Variants in EPHA3 observed in about 807,000 individuals in gnomAD.
EPHA3 encodes EPH receptor A3.
In EPHA3, 42 loss-of-function variants were observed where a neutral mutation model predicts 107.1. The observed-to-expected ratio is 0.39, with a 90% CI of 0.31 to 0.51. The LOEUF (loss-of-function observed/expected upper bound fraction) is 0.51. Among genes scored for constraint, EPHA3 ranks in the 20% least tolerant of loss-of-function variants. EPHA3 has a pLI of 0.78. For synonymous variants in EPHA3, 461 were observed against 424.8 expected (o/e 1.09, Z -1.05); for missense variants, 1,183 against 1,211.2 (o/e 0.98, Z 0.35).
chr3:89,119,177 A>C (rs938633458), intron 1 of EPHA3, among the ~76,000 whole-genome samples: 4 of 152,134 alleles, frequency 2.6e-5, no homozygotes, highest in African/African-American at 9.6e-5. Context: ...CTTGTTAAGC[A>C]CATACCGAAG....
At chr3:89,430,097 G>A (rs548546970) in intron 12 of EPHA3, among the ~76,000 whole-genome samples, 15 of 152,214 alleles carry the variant, frequency 9.9e-5, no homozygotes, top group Middle Eastern at 3.4e-3. Context: ...CCATAAGAAA[G>A]TGAATATATT....
intron 9 of EPHA3, among the ~76,000 whole-genome samples, chr3:89,409,652 A>G (rs921088412): frequency 1.3e-5 from 2 of 152,104 alleles, no homozygotes; most frequent in Non-Finnish European, 2.9e-5. Flanking sequence ...CTGCAAAGGC[A>G]TAAAGTAACT....
At chr3:89,260,046 G>A (rs2107278733) in intron 3 of EPHA3, among the ~76,000 whole-genome samples, 1 of 152,250 alleles carries the variant, frequency 6.6e-6, no homozygotes, top group East Asian at 1.9e-4. Flanking sequence ...GTGTGTGTGT[G>A]TTTGTTTATA....
intron 2 of EPHA3, among the ~76,000 whole-genome samples, chr3:89,156,161 G>A (rs917988863): frequency 2.0e-5 from 3 of 152,016 alleles, no homozygotes; most frequent in Non-Finnish European, 1.5e-5. Flanking sequence ...ATCTCATCAG[G>A]AAGATTATAA....
rs1391605990 is a variant in EPHA3, at chr3:89,125,399, GA to G, written c.89-1808del. Among the ~76,000 whole-genome samples, 6 of 151,720 alleles carry G rather than the reference GA, an allele frequency of 4.0e-5. No homozygotes were observed. In the East Asian group the frequency reaches 1.2e-3, roughly 29 times the overall value. On this transcript the variant is annotated intron_variant, in intron 1 of 16. Transcript: ENST00000336596. ...TAATATCCTTTAATTTAAAGGTGAGGAAGTATTTTCATATTTTCAAAAATTT... is the reference window on the plus strand; with the variant it reads ...TAATATCCTTTAATTTAAAGGTGAGGAGTATTTTCATATTTTCAAAAATTT...
At chr3:89,466,564 G>C (rs1323509355) in intron 15 of EPHA3, among the ~76,000 whole-genome samples, 2 of 131,672 alleles carry the variant, frequency 1.5e-5, no homozygotes, top group East Asian at 4.0e-4. Context: ...TCTGAAAAGC[G>C]CAATATTCGG....
At chr3:89,135,081 A>G (rs1328021335) in intron 2 of EPHA3, among the ~76,000 whole-genome samples, 1 of 152,214 alleles carries the variant, frequency 6.6e-6, no homozygotes, top group African/African-American at 2.4e-5. Context: ...TAAACATAGT[A>G]ATTTGGTATG....
chr3:89,119,928 A>C (rs772313988), intron 1 of EPHA3, among the ~76,000 whole-genome samples: 1 of 152,190 alleles, frequency 6.6e-6, no homozygotes, highest in Non-Finnish European at 1.5e-5. Flanking sequence ...GAAATACTAC[A>C]TTAGAGTTAT....
chr3:89,337,855 G>C (rs551076006), intron 3 of EPHA3, among the ~76,000 whole-genome samples: 1 of 152,164 alleles, frequency 6.6e-6, no homozygotes. Flanking sequence ...TAAACAAACA[G>C]GGTATTGTCT....
At chr3:89,298,154 C>A (rs1277755051) in intron 3 of EPHA3, among the ~76,000 whole-genome samples, 2 of 152,162 alleles carry the variant, frequency 1.3e-5, no homozygotes, top group Non-Finnish European at 2.9e-5. Flanking sequence ...CACCAAATCC[C>A]ATGCCTCTAC....
chr3:89,159,062 T>C (rs1291842900), intron 2 of EPHA3, among the ~76,000 whole-genome samples: 1 of 152,128 alleles, frequency 6.6e-6, no homozygotes, highest in African/African-American at 2.4e-5. Flanking sequence ...CCTAATTCAT[T>C]AATATATTAG....
chr3:89,275,044 G>T (rs987864420), intron 3 of EPHA3, among the ~76,000 whole-genome samples: 1 of 151,988 alleles, frequency 6.6e-6, no homozygotes, highest in African/African-American at 2.4e-5. Context: ...TGAAACTGAA[G>T]CTTTGAGTGG....
In EPHA3 at chr3:89,255,501, A is replaced by G. The variant is rs193194538; in HGVS notation, c.814+44981A>G. Among the ~76,000 whole-genome samples the G allele has an allele frequency of 1.7e-3, 260 of 152,362 alleles. 2 individuals are homozygous for G. The highest frequency in any genetic ancestry group is 4.8e-3 in the African/African-American group (199 of 41,588). ...AGATATTTTCCATGGCTGCTTTCAC[A>G]TGACAACATCAGTAGTTATGACAGG... is the stretch of plus-strand genomic sequence containing the variant. On this transcript the variant is annotated intron_variant, in intron 3 of 16. Coordinates refer to ENST00000336596, the MANE Select transcript of EPHA3 (RefSeq NM_005233.6).
In EPHA3 at chr3:89,395,951, A is replaced by G. The variant is rs370552845; in HGVS notation, c.1421A>G (p.Tyr474Cys). The change falls in exon 6 of 17, where the codon TAC (tyrosine) becomes TGC (cysteine). Residue 474 changes from tyrosine to cysteine, a missense_variant. Tyr to Cys is a radical substitution (Grantham distance 194). Coordinates refer to ENST00000336596, the MANE Select transcript of EPHA3 (RefSeq NM_005233.6). ...ATCATATTGGACTACGAGGTCAAAT[A>G]CTATGAAAAGGTGGGGAAACAATGT... is the stretch of plus-strand genomic sequence containing the variant. ...NGIILDYEVK[Y>C]YEKQEQETSY... 86 of 1,613,840 alleles carry G rather than the reference A, an allele frequency of 5.3e-5. No individual in the cohort carries two copies. Among genetic ancestry groups the G allele is most frequent in the Non-Finnish European group, 5.6e-5 (66 of 1,179,896 alleles).
At chr3:89,217,787 T>G (rs1704253471) in intron 3 of EPHA3, among the ~76,000 whole-genome samples, 1 of 152,152 alleles carries the variant, frequency 6.6e-6, no homozygotes, top group African/African-American at 2.4e-5. Context: ...TTTTTTAACA[T>G]GAAGACTAAC....
At chr3:89,192,336 C>G (rs1705739243) in intron 2 of EPHA3, among the ~76,000 whole-genome samples, 1 of 152,082 alleles carries the variant, frequency 6.6e-6, no homozygotes, top group Non-Finnish European at 1.5e-5. Flanking sequence ...AAATGATGTA[C>G]TCTGAGCCTT....
chr3:89,130,750 T>C (rs1704189675), intron 2 of EPHA3, among the ~76,000 whole-genome samples: 1 of 151,258 alleles, frequency 6.6e-6, no homozygotes, highest in African/African-American at 2.4e-5. Context: ...TTCTCCTGCC[T>C]CAGCCTCCCG....
chr3:89,394,493 C>T (rs1256412757), intron 5 of EPHA3, among the ~76,000 whole-genome samples: 1 of 152,076 alleles, frequency 6.6e-6, no homozygotes, highest in Non-Finnish European at 1.5e-5. Context: ...ATAATAAAAC[C>T]CAGTTGATGG....
At chr3:89,115,349 A>G (rs1707227208) in intron 1 of EPHA3, among the ~76,000 whole-genome samples, 1 of 151,822 alleles carries the variant, frequency 6.6e-6, no homozygotes, top group African/African-American at 2.4e-5. Context: ...TCCCCTGTGC[A>G]TATTCAAAAG....
Sources: allele counts gnomAD v4.1 joint callset (sites outside exome capture counted in the v4.1 genomes callset), GRCh38; gene constraint gnomAD v4.1.1; transcripts MANE v1.5; gene names NCBI Gene and HGNC (gene_info 2026-07-23, HGNC 2026-07-21).